PCDHGA3: variants seen among roughly 807,000 people sequenced by gnomAD.
PCDHGA3 encodes protocadherin gamma subfamily A, 3.
In PCDHGA3, 40 loss-of-function variants were observed where a neutral mutation model predicts 58.5. That is an observed-to-expected ratio of 0.68 (90% CI 0.53 to 0.89). PCDHGA3 has a LOEUF of 0.89. PCDHGA3 is among the 40% of genes least tolerant of loss of function. The probability of loss-of-function intolerance (pLI) is 0.00; values close to 1 mark genes in which losing one functional copy is unlikely to be tolerated. For synonymous variants in PCDHGA3, 530 were observed against 525.7 expected (o/e 1.01, Z -0.11); for missense variants, 1,223 against 1,195.9 (o/e 1.02, Z -0.33).
At position 141,431,316 on chromosome 5, in the gene PCDHGA3, C is replaced by T; in HGVS notation, c.2425-63491C>T. 6.2e-7 allele frequency: 1 copy of T among 1,614,104 alleles called. No individual in the cohort carries two copies. The highest frequency in any genetic ancestry group is 8.5e-7 in the Non-Finnish European group (1 of 1,180,046). The stretch of plus-strand genomic sequence containing the variant: ...TTCTCCCTCATCGTGCAAAATGGAG[C>T]CGACGGTAGTAAGTACCCCGAATTG... On this transcript the variant is annotated intron_variant, in intron 1 of 3. Transcript: ENST00000253812. The surrounding 1 kb of genome is among the most constrained non-coding windows in gnomAD (Gnocchi z 4.8).
chr5:141,460,296 C>T (rs1443273958), intron 1 of PCDHGA3, among the ~76,000 whole-genome samples: 1 of 151,924 alleles, frequency 6.6e-6, no homozygotes, highest in Non-Finnish European at 1.5e-5. Context: ...TTCTTATGTC[C>T]TATTCAAAAA....
Position 141,346,121 on chromosome 5 carries a change from G to A in PCDHGA3, c.2088G>A (p.Ala696=), listed in dbSNP as rs1379856364. 2 of 1,613,800 alleles carry A rather than the reference G, an allele frequency of 1.2e-6. No homozygotes were observed. Among genetic ancestry groups the A allele is most frequent in the Admixed American group, 1.7e-5 (1 of 60,004 alleles). ...ACCTCACTCTGTACCTGGTGGTGGC[G>A]GTGGCCGCGGTCTCCTGCGTCTTCC... ...DSDLTLYLVV[A]VAAVSCVFLA... The change falls in exon 1 of 4, where the codon GCG becomes GCA. Residue 696 remains alanine (A), a synonymous_variant. Transcript: ENST00000253812.
At chr5:141,372,421 G>A (rs1406028554) in intron 1 of PCDHGA3, 2 of 1,614,058 alleles carry the variant, frequency 1.2e-6, no homozygotes, top group Non-Finnish European at 1.7e-6. Context: ...CCTGACCTTA[G>A]CGACCGCCCC....
chr5:141,486,728 G>T lies in PCDHGA3; in HGVS notation c.2425-8079G>T. On this transcript the variant is annotated intron_variant, in intron 1 of 3. Coordinates refer to ENST00000253812, the MANE Select transcript of PCDHGA3 (RefSeq NM_018916.4). This position sits in a 1 kb window ranked among gnomAD's most constrained non-coding sequence, Gnocchi z 5.0. Reference sequence around the variant, plus strand: ...GAACCCCCAGACAGGAGCTGTTCATGCTACTCGATCCTTTGACTATGAGCA... The same window carrying T: ...GAACCCCCAGACAGGAGCTGTTCATTCTACTCGATCCTTTGACTATGAGCA... The T allele has an allele frequency of 6.2e-7, 1 of 1,614,200 alleles. No individual in the cohort carries two copies. The highest frequency in any genetic ancestry group is 8.5e-7 in the Non-Finnish European group (1 of 1,180,052).
chr5:141,427,807 A>T (rs1443881781), intron 1 of PCDHGA3: 2 of 1,521,932 alleles, frequency 1.3e-6, no homozygotes, highest in East Asian at 2.3e-5. Flanking sequence ...GTGAGCGCAC[A>T]GAGCGGGGTG....
intron 1 of PCDHGA3, chr5:141,428,335 T>G (rs535486665): frequency 3.3e-6 from 2 of 615,106 alleles, no homozygotes; most frequent in East Asian, 5.9e-5. Context: ...TTCTATGCTC[T>G]TCTTCCTCGC....
At chr5:141,350,580 C>T in intron 1 of PCDHGA3, 1 of 1,614,074 alleles carries the variant, frequency 6.2e-7, no homozygotes, top group Non-Finnish European at 8.5e-7. Flanking sequence ...GAAACGGTCG[C>T]TGAAAACCCA....
At chr5:141,436,200 T>C (rs1266606536) in intron 1 of PCDHGA3, among the ~76,000 whole-genome samples, 1 of 152,014 alleles carries the variant, frequency 6.6e-6, no homozygotes, top group African/African-American at 2.4e-5. Context: ...AAGAAAGACA[T>C]AATAGGAAAA....
Position 141,490,798 on chromosome 5 carries a change from C to A in PCDHGA3, c.2425-4009C>A. 2 of 1,613,926 alleles carry A rather than the reference C, an allele frequency of 1.2e-6. No individual in the cohort carries two copies. Among genetic ancestry groups the A allele is most frequent in the South Asian group, 2.2e-5 (2 of 91,074 alleles). ...AGAGGATGGACGGATCTTTGCCCAG[C>A]GTACCTTTGACTATGAATTGCTGCA... On this transcript the variant is annotated intron_variant, in intron 1 of 3. Transcript: ENST00000253812. This position sits in a 1 kb window ranked among gnomAD's most constrained non-coding sequence, Gnocchi z 5.4.
intron 1 of PCDHGA3, chr5:141,390,762 C>T (rs2092226751): frequency 6.0e-6 from 1 of 166,616 alleles, no homozygotes; most frequent in African/African-American, 2.4e-5. Context: ...GTTTTGTTTC[C>T]TGTGTTAACT....
intron 1 of PCDHGA3, among the ~76,000 whole-genome samples, chr5:141,348,932 G>T (rs1307692847): frequency 3.9e-5 from 6 of 152,188 alleles, no homozygotes; most frequent in Non-Finnish European, 8.8e-5. Context: ...ACCAAGACTG[G>T]TTCTAAGCCT....
At chr5:141,351,249 A>G (rs1484379458) in intron 1 of PCDHGA3, 1 of 1,614,034 alleles carries the variant, frequency 6.2e-7, no homozygotes, top group South Asian at 1.1e-5. Flanking sequence ...TGTAATGTTC[A>G]AATAGAAATT....
chr5:141,395,391 A>G, intron 1 of PCDHGA3: 2 of 944,730 alleles, frequency 2.1e-6, no homozygotes, highest in Non-Finnish European at 3.1e-6. Flanking sequence ...ATAAAATTGA[A>G]CTCTAATAGT....
At chr5:141,413,257 T>A (rs777964429) in intron 1 of PCDHGA3, 1 of 1,613,836 alleles carries the variant, frequency 6.2e-7, no homozygotes, top group African/African-American at 1.3e-5. Flanking sequence ...CGGGATTCCA[T>A]GGGAGGCTGG....
At chr5:141,360,638 A>G in intron 1 of PCDHGA3, 1 of 1,614,016 alleles carries the variant, frequency 6.2e-7, no homozygotes, top group Non-Finnish European at 8.5e-7. Context: ...AACTCACTAC[A>G]AAGATACCAC....
At chr5:141,422,665 C>T in intron 1 of PCDHGA3, 2 of 1,608,390 alleles carry the variant, frequency 1.2e-6, no homozygotes, top group Non-Finnish European at 8.5e-7. Context: ...CGCCCTCGAC[C>T]CGGACAGCAA....
In PCDHGA3 at chr5:141,371,090, C is replaced by G. The variant is rs764906419; in HGVS notation, c.2424+24633C>G. The G allele has an allele frequency of 5.0e-6, 8 of 1,613,702 alleles. No homozygotes were observed. The East Asian group carries it at 1.8e-4, about 36-fold the overall frequency. On this transcript the variant is annotated intron_variant, in intron 1 of 3. Transcript: ENST00000253812. ...GTACCACCCAGATCAGGGTAATTGT[C>G]GCAGATGCAAATGATAACCCCCCAG...
At chr5:141,460,848 C>A (rs528601988) in intron 1 of PCDHGA3, among the ~76,000 whole-genome samples, 1 of 150,236 alleles carries the variant, frequency 6.7e-6, no homozygotes, top group African/African-American at 2.4e-5. Context: ...GCCTCCAGTT[C>A]GATCCAAGTT....
chr5:141,355,126 C>G (rs1237707047), intron 1 of PCDHGA3: 10 of 1,516,436 alleles, frequency 6.6e-6, no homozygotes, highest in African/African-American at 4.2e-5. Flanking sequence ...TATTTTGGAC[C>G]CAGAAGATCC....
Sources: allele counts gnomAD v4.1 joint callset (sites outside exome capture counted in the v4.1 genomes callset), GRCh38; gene constraint gnomAD v4.1.1; non-coding constraint Gnocchi (gnomAD v3.1); transcripts MANE v1.5; gene names NCBI Gene and HGNC (gene_info 2026-07-23, HGNC 2026-07-21).